Variants in RASGRP2 observed in about 807,000 individuals in gnomAD.
RASGRP2 encodes the protein RAS guanyl-releasing protein 2.
A neutral mutation model predicts 71.0 loss-of-function variants in RASGRP2; 44 were observed. The ratio of observed to expected loss-of-function variants is 0.62; its 90% CI spans 0.49 to 0.80. RASGRP2 has a LOEUF of 0.80. Among genes scored for constraint, RASGRP2 ranks in the 30% least tolerant of loss-of-function variants. The probability of loss-of-function intolerance (pLI) is 0.00; values close to 1 mark genes in which losing one functional copy is unlikely to be tolerated. For synonymous variants in RASGRP2, 350 were observed against 330.7 expected (o/e 1.06, Z -0.63); for missense variants, 663 against 813.4 (o/e 0.82, Z 2.25).
Position 64,728,436 on chromosome 11 carries a change from T to A in RASGRP2, c.1771+427A>T, listed in dbSNP as rs1024462854. Among the ~76,000 whole-genome samples, 15 of 152,164 alleles carry A rather than the reference T, an allele frequency of 9.9e-5. No individual in the cohort carries two copies. The South Asian group carries it at 1.5e-3, about 15-fold the overall frequency. ...CTGTCCCTTCTTTATTTTTTATTTT[T>A]TTTTTTTCTGAGACGGAGTCTTGCT... On this transcript the variant is annotated intron_variant, in intron 15 of 16. Transcript: ENST00000394432.
rs148683892 is a variant in RASGRP2, at chr11:64,737,099, G to A, written c.814-65C>T. ...TCCTCCCTACCTCAGCCCTGGAAATGTAGGAGGGGGTGAGGAGGAGTCAGG... is the reference window on the plus strand; with the variant it reads ...TCCTCCCTACCTCAGCCCTGGAAATATAGGAGGGGGTGAGGAGGAGTCAGG... On this transcript the variant is annotated intron_variant, in intron 8 of 16. Coordinates refer to ENST00000394432, the MANE Select transcript of RASGRP2 (RefSeq NM_001098671.2). The A allele has an allele frequency of 1.4e-4, 219 of 1,589,232 alleles. No homozygotes were observed. In the African/African-American group the frequency reaches 2.4e-3, roughly 17 times the overall value.
At position 64,726,967 on chromosome 11, in the gene RASGRP2, G is replaced by A. The variant is rs545003733; in HGVS notation, c.*171C>T. On this transcript the variant is annotated 3_prime_UTR_variant, in exon 17 of 17. Transcript: ENST00000394432. ...ATCTGGAAAATACAAATATTCACAA[G>A]AGTCTGTACAACCTTAGGGACACCA... 7.0e-6 allele frequency: 2 copies of A among 285,048 alleles called. No homozygotes were observed. The highest frequency in any genetic ancestry group is 8.9e-5 in the South Asian group (2 of 22,474). The allele number at this position is 285,048 out of a possible 1,614,324, so 17.7% of individuals were successfully genotyped here.
chr11:64,728,009 CCT>C (rs1379986870), intron 15 of RASGRP2, among the ~76,000 whole-genome samples: 77 of 152,300 alleles, frequency 5.1e-4, no homozygotes, highest in African/African-American at 1.7e-3. Context: ...CCTGTGCCTG[CCT>C]CTGTTTTTTG....
In RASGRP2 at chr11:64,743,404, G is replaced by A. The variant is rs972062317; in HGVS notation, c.-71-467C>T. 22 of 367,550 alleles carry A rather than the reference G, an allele frequency of 6.0e-5. No individual in the cohort carries two copies. Among genetic ancestry groups the A allele is most frequent in the Non-Finnish European group, 1.1e-4 (21 of 185,318 alleles). 22.8% of individuals were successfully genotyped at this position (367,550 alleles called of 1,614,324 possible). A position where few individuals can be genotyped will look rare whatever the true frequency, so the allele number is the denominator to read the frequency against. ...TTTCTCCCTGGTATGGGAGGTGGGG[G>A]GAGAGAACCCAGGCGTCCTGCCCGC... is the stretch of plus-strand genomic sequence containing the variant. On this transcript the variant is annotated intron_variant, in intron 1 of 16. Transcript: ENST00000394432. The surrounding 1 kb of genome is among the most constrained non-coding windows in gnomAD (Gnocchi z 4.9).
intron 5 of RASGRP2, 97 bp downstream of exon 5, chr11:64,740,851 C>G: frequency 6.6e-7 from 1 of 1,513,368 alleles, no homozygotes; most frequent in Middle Eastern, 1.7e-4. Context: ...GAGAGAGCAA[C>G]ATGACCCTCA....
In RASGRP2 at chr11:64,739,613, C is replaced by T; in HGVS notation, c.696+23G>A. 1 of 1,612,860 alleles carries T rather than the reference C, an allele frequency of 6.2e-7. No homozygotes were observed. Among genetic ancestry groups the T allele is most frequent in the Non-Finnish European group, 8.5e-7 (1 of 1,179,100 alleles). On this transcript the variant is annotated intron_variant, in intron 7 of 16. Coordinates refer to ENST00000394432, the MANE Select transcript of RASGRP2 (RefSeq NM_001098671.2). This position sits in a 1 kb window ranked among gnomAD's most constrained non-coding sequence, Gnocchi z 4.2. ...ACTGGCATGTGGGGTGGTTGGGAGA[C>T]ACCGGGAGGGAGGGGCAGGCACCTC...
chr11:64,740,858 C>G, intron 5 of RASGRP2, 90 bp downstream of exon 5: 1 of 1,532,740 alleles, frequency 6.5e-7, no homozygotes, highest in Non-Finnish European at 9.0e-7. Flanking sequence ...CAACATGACC[C>G]TCACTCATTC....
intron 13 of RASGRP2, 88 bp from the exon 14 acceptor site, chr11:64,729,886 AG>A: frequency 6.3e-7 from 1 of 1,585,704 alleles, no homozygotes; most frequent in South Asian, 1.1e-5. Context: ...CTAGGGCTTT[AG>A]AGCCCGCCTC....
chr11:64,735,481 G>A lies in RASGRP2; in HGVS notation c.1296+61C>T. On this transcript the variant is annotated intron_variant, in intron 11 of 16. Coordinates refer to ENST00000394432, the MANE Select transcript of RASGRP2 (RefSeq NM_001098671.2). This position sits in a 1 kb window ranked among gnomAD's most constrained non-coding sequence, Gnocchi z 4.2. ...AACAGGACACTCGTGCTGGCTTCCA[G>A]GGCAGTGCTCCGGCAAACTGGCCTC... is the stretch of plus-strand genomic sequence containing the variant. 2 of 1,611,006 alleles carry A rather than the reference G, an allele frequency of 1.2e-6. No individual in the cohort carries two copies. The highest frequency in any genetic ancestry group is 2.2e-5 in the South Asian group (2 of 90,924).
chr11:64,728,908 T>C lies in RASGRP2; in HGVS notation c.1726A>G (p.Ser576Gly). Reference protein sequence around the residue: ...PMHSHHHRAFSFSLPRPGRRG... With the variant: ...PMHSHHHRAFGFSLPRPGRRG... The stretch of plus-strand genomic sequence containing the variant: ...CTGCCAGGGCGGGGCAGAGAGAAGC[T>C]GAAGGCGCGGTGATGGTGGCTGTGC... Residue 576 changes from serine to glycine, a missense_variant, in exon 15 of 17, where the codon AGC (serine) becomes GGC (glycine). Ser to Gly is a moderately conservative substitution (Grantham distance 56). Transcript: ENST00000394432. 1 of 1,613,106 alleles carries C rather than the reference T, an allele frequency of 6.2e-7. No individual in the cohort carries two copies. The highest frequency in any genetic ancestry group is 8.5e-7 in the Non-Finnish European group (1 of 1,179,948).
Position 64,730,093 on chromosome 11 carries a change from T to C in RASGRP2, c.1514A>G (p.Asn505Ser). 6.5e-7 allele frequency: 1 copy of C among 1,549,276 alleles called. No homozygotes were observed. The highest frequency in any genetic ancestry group is 8.7e-7 in the Non-Finnish European group (1 of 1,146,946). Residue 505 changes from asparagine (N) to serine (S), a missense_variant, in exon 13 of 17, where the codon AAC (asparagine) becomes AGC (serine). Coordinates refer to ENST00000394432, the MANE Select transcript of RASGRP2 (RefSeq NM_001098671.2). ...MGFVHNFQES[N>S]SLRPVACRHC... Reference sequence around the variant, plus strand: ...GCGGCAGGCGACGGGGCGCAAGGAGTTGCTCTCCTGGAAGTTGTGTACGAA... The same window carrying C: ...GCGGCAGGCGACGGGGCGCAAGGAGCTGCTCTCCTGGAAGTTGTGTACGAA...
At position 64,740,038 on chromosome 11, in the gene RASGRP2, T is replaced by C; in HGVS notation, c.497A>G (p.Glu166Gly). Reference protein sequence around the residue: ...MELAEHLTYLEYRSFCKILFQ... With the variant: ...MELAEHLTYLGYRSFCKILFQ... The stretch of plus-strand genomic sequence containing the variant: ...CAGGATCTTGCAGAAGGAGCGATAC[T>C]CCAAGTAGGTGAGATGCTCCGCCAG... The change falls in exon 6 of 17, where the codon GAG becomes GGG. Residue 166 changes from glutamate to glycine, a missense_variant. Glu to Gly is a moderately conservative substitution (Grantham distance 98, BLOSUM62 -2). Coordinates refer to ENST00000394432, the MANE Select transcript of RASGRP2 (RefSeq NM_001098671.2). 1 of 1,613,992 alleles carries C rather than the reference T, an allele frequency of 6.2e-7. No individual in the cohort carries two copies.
intron 12 of RASGRP2, among the ~76,000 whole-genome samples, chr11:64,733,410 A>G (rs1276671914): frequency 1.4e-5 from 2 of 147,928 alleles, no homozygotes; most frequent in African/African-American, 5.1e-5. Context: ...ACACACACAC[A>G]CACACACACA....
Position 64,727,069 on chromosome 11 carries a change from G to A in RASGRP2, c.*69C>T. 1 of 337,340 alleles carries A rather than the reference G, an allele frequency of 3.0e-6. No homozygotes were observed. The highest frequency in any genetic ancestry group is 5.9e-6 in the Non-Finnish European group (1 of 169,294). 20.9% of individuals were successfully genotyped at this position (337,340 alleles called of 1,614,324 possible). On this transcript the variant is annotated 3_prime_UTR_variant, in exon 17 of 17. Transcript: ENST00000394432. ...CCAGCCTCCTGCCCCGACACCCCCA[G>A]GCTCCCTGCTCTGGTTGAAGTATTT...
chr11:64,734,420 T>G (rs2057864549), intron 12 of RASGRP2, among the ~76,000 whole-genome samples: 1 of 152,068 alleles, frequency 6.6e-6, no homozygotes, highest in African/African-American at 2.4e-5. Context: ...CCCAAAGTGC[T>G]AGGATTACAG....
At chr11:64,732,767 T>C (rs796457313) in intron 12 of RASGRP2, among the ~76,000 whole-genome samples, 30 of 136,326 alleles carry the variant, frequency 2.2e-4, no homozygotes, top group African/African-American at 7.8e-4. Context: ...GGTGACAGAG[T>C]GAGACTCTGT....
chr11:64,732,348 C>T (rs1398259811), intron 12 of RASGRP2, among the ~76,000 whole-genome samples: 1 of 151,678 alleles, frequency 6.6e-6, no homozygotes, highest in Admixed American at 6.6e-5. Context: ...CAAGGTAAAA[C>T]TCCATCTCTA....
chr11:64,743,005 A>C lies in RASGRP2; in HGVS notation c.-71-68T>G. 2 of 1,474,526 alleles carry C rather than the reference A, an allele frequency of 1.4e-6. No individual in the cohort carries two copies. The highest frequency in any genetic ancestry group is 1.8e-6 in the Non-Finnish European group (2 of 1,103,236). The allele number at this position is 1,474,526 out of a possible 1,614,324, so 91.3% of individuals were successfully genotyped here. On this transcript the variant is annotated intron_variant, in intron 1 of 16. Transcript: ENST00000394432. This position sits in a 1 kb window ranked among gnomAD's most constrained non-coding sequence, Gnocchi z 4.9. The stretch of plus-strand genomic sequence containing the variant: ...CGGGGGAGCGGCCCCGCGGGCAGAA[A>C]CGGGGCGGGGCGGGCACGCCCCCTG...
chr11:64,739,259 A>G lies in RASGRP2; in HGVS notation c.813+101T>C. 1 of 911,824 alleles carries G rather than the reference A, an allele frequency of 1.1e-6. No homozygotes were observed. The highest frequency in any genetic ancestry group is 1.8e-6 in the Non-Finnish European group (1 of 552,948). The allele number at this position is 911,824 out of a possible 1,614,324, so 56.5% of individuals were successfully genotyped here. ...AACCCCTCTGAGCCTCCATTTCCAT[A>G]TCTATCAAATGAGGACAGCTGTGCC... is the stretch of plus-strand genomic sequence containing the variant. On this transcript the variant is annotated intron_variant, in intron 8 of 16. Coordinates refer to ENST00000394432, the MANE Select transcript of RASGRP2 (RefSeq NM_001098671.2). This position sits in a 1 kb window ranked among gnomAD's most constrained non-coding sequence, Gnocchi z 4.2.
Sources: allele counts gnomAD v4.1 joint callset (sites outside exome capture counted in the v4.1 genomes callset), GRCh38; gene constraint gnomAD v4.1.1; non-coding constraint Gnocchi (gnomAD v3.1); transcripts MANE v1.5; gene names NCBI Gene and HGNC (gene_info 2026-07-23, HGNC 2026-07-21).